SLC24A4: variants seen among roughly 807,000 people sequenced by gnomAD.
SLC24A4 encodes solute carrier family 24 member 4.
A neutral mutation model predicts 79.0 loss-of-function variants in SLC24A4; 53 were observed. That is an observed-to-expected ratio of 0.67 (90% confidence interval 0.54 to 0.84). The LOEUF is 0.84. SLC24A4 is among the 40% of genes least tolerant of loss of function. SLC24A4 has a pLI of 0.00. For missense variants in SLC24A4, 731 were observed against 822.0 expected, an observed-to-expected ratio of 0.89 and a Z score of 1.35; for synonymous variants, 323 against 323.8, an observed-to-expected ratio of 1.00 and a Z score of 0.03.
chr14:92,427,063 C>A (rs4243698), intron 2 of SLC24A4, among the ~76,000 whole-genome samples: 150,499 of 152,382 alleles, frequency 0.99, 74,346 homozygotes, highest in Middle Eastern at 1. Context: ...GGTTTAAGAA[C>A]AACGAGCAGC....
At chr14:92,369,043 C>A (rs1193507822) in intron 2 of SLC24A4, among the ~76,000 whole-genome samples, 1 of 152,210 alleles carries the variant, frequency 6.6e-6, no homozygotes, top group Non-Finnish European at 1.5e-5. Flanking sequence ...AAAGACCCTG[C>A]CTCCAGAGGT....
rs955548577 is a variant in SLC24A4 at position 92,373,208 on chromosome 14, A to G, written c.241+47230A>G. Among the ~76,000 whole-genome samples, 560 of 65,920 alleles carry G rather than the reference A, an allele frequency of 8.5e-3. 2 individuals are homozygous for G. Among genetic ancestry groups the G allele is most frequent in the Non-Finnish European group, 0.018 (428 of 24,390 alleles). 43.2% of individuals were successfully genotyped at this position (65,920 alleles called of 152,430 possible). A position where few individuals can be genotyped will look rare whatever the true frequency, so the allele number is the denominator to read the frequency against. ...CACACACACACGCACACACACACAC[A>G]CACATATATATATTTAGTAGAAACG... On this transcript the variant is annotated intron_variant, in intron 2 of 16. Transcript: ENST00000532405.
rs1895963652 is a variant in SLC24A4 at position 92,497,331 on chromosome 14, A to C, written c.*3703A>C. 6.6e-6 allele frequency: 1 copy of C among 152,182 alleles called. No individual in the cohort carries two copies. Among genetic ancestry groups the C allele is most frequent in the Non-Finnish European group, 1.5e-5 (1 of 68,114 alleles). The allele number at this position is 152,182 out of a possible 1,614,324, so 9.4% of individuals were successfully genotyped here. ...TTCTTCCACCTGCTCTTCCCTGTTT[A>C]TGGGGATTTGCAAGCCTAATTGCAT... is the stretch of plus-strand genomic sequence containing the variant. On this transcript the variant is annotated 3_prime_UTR_variant, in exon 17 of 17. Coordinates refer to ENST00000532405, the MANE Select transcript of SLC24A4 (RefSeq NM_153646.4).
chr14:92,351,800 G>A (rs141157694), intron 2 of SLC24A4, among the ~76,000 whole-genome samples: 83 of 152,164 alleles, frequency 5.5e-4, no homozygotes, highest in African/African-American at 1.9e-3. Flanking sequence ...GGAAGCAGAG[G>A]TTGCAGTGAG....
chr14:92,469,480 G>C (rs1178109200), intron 12 of SLC24A4, among the ~76,000 whole-genome samples: 1 of 149,306 alleles, frequency 6.7e-6, no homozygotes, highest in African/African-American at 2.5e-5. Context: ...CTGCACTCCA[G>C]CCTGGGCACG....
At chr14:92,360,683 T>C (rs1209879348) in intron 2 of SLC24A4, among the ~76,000 whole-genome samples, 4 of 152,204 alleles carry the variant, frequency 2.6e-5, no homozygotes, top group African/African-American at 9.7e-5. Flanking sequence ...TTTGTATCAA[T>C]TTACATTCCC....
chr14:92,339,042 G>A (rs1885975363), intron 2 of SLC24A4, among the ~76,000 whole-genome samples: 1 of 152,216 alleles, frequency 6.6e-6, no homozygotes, highest in Non-Finnish European at 1.5e-5. Flanking sequence ...CCTCTAGCCT[G>A]TCGGTGCCTT....
intron 2 of SLC24A4, among the ~76,000 whole-genome samples, chr14:92,393,975 C>T (rs1257167750): frequency 4.0e-5 from 6 of 151,776 alleles, no homozygotes; most frequent in Non-Finnish European, 8.8e-5. Flanking sequence ...TGCACCACTG[C>T]ACTCCATCCT....
rs115066943 is a variant in SLC24A4 at position 92,409,756 on chromosome 14, A to C, written c.242-24156A>C. Among the ~76,000 whole-genome samples, 836 of 152,218 alleles carry C rather than the reference A, an allele frequency of 5.5e-3. 5 individuals carry two copies. Among genetic ancestry groups the C allele is most frequent in the African/African-American group, 0.02 (810 of 41,524 alleles). Reference sequence around the variant, plus strand: ...GCACACAAGTCTTTATTGCAGCGCTATTCACAATAGCAAAGACATGCAATC... The same window carrying C: ...GCACACAAGTCTTTATTGCAGCGCTCTTCACAATAGCAAAGACATGCAATC... On this transcript the variant is annotated intron_variant, in intron 2 of 16. Coordinates refer to ENST00000532405, the MANE Select transcript of SLC24A4 (RefSeq NM_153646.4).
intron 2 of SLC24A4, among the ~76,000 whole-genome samples, chr14:92,406,478 T>C (rs1015047516): frequency 2.0e-5 from 3 of 152,234 alleles, no homozygotes; most frequent in Admixed American, 6.5e-5. Flanking sequence ...AGGTTCTCCA[T>C]GAGGGCTCTA....
At chr14:92,461,780 C>A (rs1020474347) in intron 12 of SLC24A4, among the ~76,000 whole-genome samples, 12 of 152,194 alleles carry the variant, frequency 7.9e-5, no homozygotes, top group African/African-American at 2.9e-4. Flanking sequence ...ATGCCCTTTT[C>A]TAAGAGCTTT....
chr14:92,492,758 G>T, intron 16 of SLC24A4: 1 of 431,936 alleles, frequency 2.3e-6, no homozygotes, highest in South Asian at 1.6e-5. Context: ...ACAGAATTGG[G>T]CAATGGCAAA....
At chr14:92,400,267 C>T (rs751319590) in intron 2 of SLC24A4, among the ~76,000 whole-genome samples, 11 of 151,970 alleles carry the variant, frequency 7.2e-5, no homozygotes, top group Non-Finnish European at 1.0e-4. Flanking sequence ...GGTGAAACCC[C>T]GTCTCTACTA....
At chr14:92,416,334 C>T (rs539532355) in intron 2 of SLC24A4, among the ~76,000 whole-genome samples, 32 of 152,202 alleles carry the variant, frequency 2.1e-4, no homozygotes, top group Middle Eastern at 3.4e-3. Flanking sequence ...TGCTCTACCC[C>T]AAGGGGACTC....
intron 2 of SLC24A4, among the ~76,000 whole-genome samples, chr14:92,373,233 G>A (rs914269110): frequency 1.3e-5 from 2 of 149,552 alleles, no homozygotes; most frequent in Non-Finnish European, 3.0e-5. Context: ...TAGTAGAAAC[G>A]GGGTTTCACC....
intron 12 of SLC24A4, among the ~76,000 whole-genome samples, chr14:92,477,493 A>G (rs569160180): frequency 6.6e-6 from 1 of 152,218 alleles, no homozygotes; most frequent in Non-Finnish European, 1.5e-5. Flanking sequence ...TTTCCAGACA[A>G]GACCTCACTC....
intron 2 of SLC24A4, among the ~76,000 whole-genome samples, chr14:92,344,937 T>C (rs188863283): frequency 2.5e-4 from 38 of 152,314 alleles, no homozygotes; most frequent in Admixed American, 2.3e-3. Flanking sequence ...GTAAGATGTC[T>C]GGAGAGACAC....
chr14:92,377,214 CAGTT>C (rs1888562830), intron 2 of SLC24A4, among the ~76,000 whole-genome samples: 2 of 152,202 alleles, frequency 1.3e-5, no homozygotes, highest in Non-Finnish European at 1.5e-5. Context: ...AATTACCAGT[CAGTT>C]AAACAGGGAG....
rs912174543 is a variant in SLC24A4, at chr14:92,353,207, C to G, written c.241+27229C>G. On this transcript the variant is annotated intron_variant, in intron 2 of 16. Transcript: ENST00000532405. The surrounding 1 kb of genome is among the most constrained non-coding windows in gnomAD (Gnocchi z 4.1). ...GCTGTCATCAGGAGCATGACATACTCTTTGATCCGTACCTATCTTTGCTCA... is the reference window on the plus strand; with the variant it reads ...GCTGTCATCAGGAGCATGACATACTGTTTGATCCGTACCTATCTTTGCTCA... 6.6e-6 allele frequency among the ~76,000 whole-genome samples: 1 copy of G among 152,208 alleles called. No individual in the cohort carries two copies. Among genetic ancestry groups the G allele is most frequent in the Non-Finnish European group, 1.5e-5 (1 of 68,042 alleles).
Sources: gnomAD v4.1 joint callset for allele counts (sites outside exome capture counted in the v4.1 genomes callset) on GRCh38, gnomAD v4.1.1 for gene constraint, Gnocchi (gnomAD v3.1) non-coding constraint, MANE v1.5 for transcripts, NCBI Gene and HGNC (gene_info 2026-07-23, HGNC 2026-07-21) for gene names.